Variants in RMDN1 observed in about 807,000 individuals in gnomAD.
RMDN1 encodes the protein regulator of microtubule dynamics protein 1.
RMDN1 carries 48 observed loss-of-function variants against 48.9 expected under a neutral mutation model. The observed-to-expected ratio is 0.98, with a 90% CI of 0.78 to 1.25. The LOEUF (loss-of-function observed/expected upper bound fraction) is 1.25, where lower values mean the gene tolerates loss of function less well. RMDN1 is among the 50% of genes most tolerant of loss of function. The pLI is 0.00. For synonymous variants in RMDN1, 148 were observed against 132.6 expected (o/e 1.12, Z -0.80); for missense variants, 418 against 373.4 (o/e 1.12, Z -0.98).
chr8:86,502,273 G>A (rs144759111), intron 2 of RMDN1, among the ~76,000 whole-genome samples: 171 of 151,814 alleles, frequency 1.1e-3, no homozygotes, highest in African/African-American at 3.8e-3. Context: ...GTCTTGCTCC[G>A]TTGCCTAGGC....
At chr8:86,491,587 T>C (rs895962891) in intron 2 of RMDN1, among the ~76,000 whole-genome samples, 4 of 152,184 alleles carry the variant, frequency 2.6e-5, no homozygotes, top group Non-Finnish European at 4.4e-5. Flanking sequence ...ATTACTAACA[T>C]AGAGACCATA....
chr8:86,488,494 G>C, intron 3 of RMDN1, 58 bp downstream of exon 3: 1 of 1,058,488 alleles, frequency 9.4e-7, no homozygotes, highest in South Asian at 1.8e-5. Flanking sequence ...CATTTTAATT[G>C]TTAAATAACA....
At chr8:86,498,445 G>A (rs1817716419) in intron 2 of RMDN1, among the ~76,000 whole-genome samples, 1 of 151,974 alleles carries the variant, frequency 6.6e-6, no homozygotes, top group African/African-American at 2.4e-5. Context: ...ACTTGTCAGA[G>A]ACACAATGGA....
chr8:86,485,884 C>G (rs1456632528), intron 4 of RMDN1, among the ~76,000 whole-genome samples: 1 of 152,162 alleles, frequency 6.6e-6, no homozygotes, highest in African/African-American at 2.4e-5. Context: ...AATGAAGCCT[C>G]GGAGCAATCA....
Position 86,504,945 on chromosome 8 carries a change from G to A in RMDN1, c.247+2050C>T. The A allele has an allele frequency of 3.1e-6, 4 of 1,292,692 alleles. No homozygotes were observed. The South Asian group carries it at 3.6e-5, about 11-fold the overall frequency. The allele number at this position is 1,292,692 out of a possible 1,614,324, so 80.1% of individuals were successfully genotyped here. A position where few individuals can be genotyped will look rare whatever the true frequency, so the allele number is the denominator to read the frequency against. ...CAAAGTCCCTGAGACCCATGGCAGG[G>A]CTTTTGAGGATATCACATGGGCCTT... is the stretch of plus-strand genomic sequence containing the variant. On this transcript the variant is annotated intron_variant, in intron 2 of 9. Transcript: ENST00000406452.
Position 86,472,659 on chromosome 8 carries a change from T to A in RMDN1, c.*1649A>T, listed in dbSNP as rs987282266. Reference sequence around the variant, plus strand: ...TCACTGTATCAGTGGTGTGTCATATTTTTTTTTTTGCCATCCTTGTTCCTG... The same window carrying A: ...TCACTGTATCAGTGGTGTGTCATATATTTTTTTTTGCCATCCTTGTTCCTG... On this transcript the variant is annotated 3_prime_UTR_variant, in exon 10 of 10. Transcript: ENST00000406452. The A allele has an allele frequency of 2.5e-5, 12 of 486,798 alleles. No homozygotes were observed. Among genetic ancestry groups the A allele is most frequent in the Non-Finnish European group, 4.0e-5 (11 of 275,716 alleles). 30.2% of individuals were successfully genotyped at this position (486,798 alleles called of 1,614,324 possible). A position where few individuals can be genotyped will look rare whatever the true frequency, so the allele number is the denominator to read the frequency against.
At chr8:86,502,319 C>A (rs1486939870) in intron 2 of RMDN1, among the ~76,000 whole-genome samples, 1 of 152,116 alleles carries the variant, frequency 6.6e-6, no homozygotes, top group Non-Finnish European at 1.5e-5. Flanking sequence ...TTACTGCAAC[C>A]TTGACCTCCT....
intron 6 of RMDN1, among the ~76,000 whole-genome samples, chr8:86,479,524 T>C (rs981238142): frequency 6.6e-6 from 1 of 152,226 alleles, no homozygotes; most frequent in Non-Finnish European, 1.5e-5. Flanking sequence ...AAGTGTTGCA[T>C]CTTTGACTAG....
At chr8:86,508,715 C>G, upstream of RMDN1, 2 of 1,411,904 alleles carry the variant, frequency 1.4e-6, no homozygotes, top group Non-Finnish European at 1.8e-6. Context: ...AAGAACCGCG[C>G]CCGCCCGCCT....
At chr8:86,495,036 T>C (rs557423748) in intron 2 of RMDN1, 10 of 330,950 alleles carry the variant, frequency 3.0e-5, no homozygotes, top group Admixed American at 2.9e-4. Context: ...TTTGAAAAAC[T>C]AGAGGAGCCA....
At position 86,502,064 on chromosome 8, in the gene RMDN1, C is replaced by T. The variant is rs73688861; in HGVS notation, c.247+4931G>A. Among the ~76,000 whole-genome samples, 129 of 152,154 alleles carry T rather than the reference C, an allele frequency of 8.5e-4. 1 individual carries two copies. Among genetic ancestry groups the T allele is most frequent in the African/African-American group, 3.0e-3 (125 of 41,520 alleles). On this transcript the variant is annotated intron_variant, in intron 2 of 9. Coordinates refer to ENST00000406452, the MANE Select transcript of RMDN1 (RefSeq NM_016033.3). ...TTCTTCTATCAGAAGTTGAATAAGACCATCTATTCAAAATCAAATCTCTGC... is the reference window on the plus strand; with the variant it reads ...TTCTTCTATCAGAAGTTGAATAAGATCATCTATTCAAAATCAAATCTCTGC...
rs1316358617 is a variant in RMDN1 at position 86,472,572 on chromosome 8, A to G, written c.*1736T>C. ...AGCCTGCCATTGTTGTTGCCGTTTA[A>G]CAGCTGATACAGGTTTCTGGTGATG... is the stretch of plus-strand genomic sequence containing the variant. On this transcript the variant is annotated 3_prime_UTR_variant, in exon 10 of 10. Coordinates refer to ENST00000406452, the MANE Select transcript of RMDN1 (RefSeq NM_016033.3). 4.4e-6 allele frequency: 3 copies of G among 682,062 alleles called. No individual in the cohort carries two copies. In the African/African-American group the frequency reaches 5.3e-5, roughly 12 times the overall value. 42.3% of individuals were successfully genotyped at this position (682,062 alleles called of 1,614,324 possible). A position where few individuals can be genotyped will look rare whatever the true frequency, so the allele number is the denominator to read the frequency against.
chr8:86,503,731 C>T, intron 2 of RMDN1: 1 of 479,712 alleles, frequency 2.1e-6, no homozygotes, highest in East Asian at 5.1e-5. Context: ...AGGCAAATAT[C>T]CCTCCCTCTG....
chr8:86,503,390 C>CAAACAAAACAAAAAA (rs1818713005), intron 2 of RMDN1, among the ~76,000 whole-genome samples: 1 of 56,588 alleles, frequency 1.8e-5, no homozygotes, highest in Admixed American at 2.3e-4. Context: ...AAAAAAAAAA[C>CAAACAAAACAAAAAA]AAAAAAAAAT....
upstream of RMDN1, chr8:86,508,811 C>G: frequency 7.8e-7 from 1 of 1,285,294 alleles, no homozygotes; most frequent in Non-Finnish European, 9.8e-7. Flanking sequence ...GTGGGAAATA[C>G]CCCGATTGGG....
chr8:86,505,390 T>C (rs1026289738), intron 2 of RMDN1: 8 of 456,472 alleles, frequency 1.8e-5, no homozygotes, highest in African/African-American at 1.2e-4. Flanking sequence ...CTAGGGGATA[T>C]AGGAGAGGAA....
intron 2 of RMDN1, among the ~76,000 whole-genome samples, chr8:86,502,289 T>C (rs1281330458): frequency 6.6e-6 from 1 of 152,038 alleles, no homozygotes; most frequent in Non-Finnish European, 1.5e-5. Context: ...TAGGCTGGAG[T>C]GCAGTGGTGA....
At chr8:86,495,576 C>G (rs888750971) in intron 2 of RMDN1, among the ~76,000 whole-genome samples, 2 of 152,116 alleles carry the variant, frequency 1.3e-5, no homozygotes, top group Non-Finnish European at 2.9e-5. Context: ...TGGGGCCTAT[C>G]TCATCTGAAC....
At chr8:86,504,048 C>A in intron 2 of RMDN1, 1 of 832,344 alleles carries the variant, frequency 1.2e-6, no homozygotes, top group Non-Finnish European at 2.1e-6. Flanking sequence ...TTGGCACTCT[C>A]AACCAGCTGG....
Sources: gnomAD v4.1 joint callset for allele counts (sites outside exome capture counted in the v4.1 genomes callset) on GRCh38, gnomAD v4.1.1 for gene constraint, MANE v1.5 for transcripts, NCBI Gene and HGNC (gene_info 2026-07-23, HGNC 2026-07-21) for gene names.